The following APBA1 variants were observed in gnomAD, a reference collection of about 807,000 sequenced individuals.
APBA1 encodes amyloid beta precursor protein binding family A member 1, also known as amyloid-beta A4 precursor protein-binding family A member 1.
Under a neutral mutation model 86.6 loss-of-function variants are expected in APBA1, and 55 were observed. The ratio of observed to expected loss-of-function variants is 0.64; its 90% CI spans 0.51 to 0.80. APBA1 has a LOEUF of 0.80. APBA1 is among the 30% of genes least tolerant of loss of function. The probability of loss-of-function intolerance (pLI) is 0.00; values close to 1 mark genes in which losing one functional copy is unlikely to be tolerated. For missense variants in APBA1, 1,090 were observed against 1,183.0 expected, an observed-to-expected ratio of 0.92 and a Z score of 1.15; for synonymous variants, 511 against 493.9, an observed-to-expected ratio of 1.03 and a Z score of -0.46.
intron 2 of APBA1, among the ~76,000 whole-genome samples, chr9:69,506,109 A>G (rs766607410): frequency 1.3e-5 from 2 of 151,454 alleles, no homozygotes; most frequent in Admixed American, 1.3e-4. Flanking sequence ...TCCCAGCGAG[A>G]GCGACACAGA....
Position 69,441,208 on chromosome 9 carries a change from C to T in APBA1, c.2182-93G>A, listed in dbSNP as rs536492645. On this transcript the variant is annotated intron_variant, in intron 10 of 12. Transcript: ENST00000265381. The stretch of plus-strand genomic sequence containing the variant: ...AGCACCAAAGGCAAAAGAAGCTGCA[C>T]TGAGTCTTCCGAAGGACCCACTGCC... 6.0e-5 allele frequency: 87 copies of T among 1,460,054 alleles called. 1 individual carries two copies. The South Asian group carries it at 1.0e-3, about 17-fold the overall frequency. 90.4% of individuals were successfully genotyped at this position (1,460,054 alleles called of 1,614,324 possible). A position where few individuals can be genotyped will look rare whatever the true frequency, so the allele number is the denominator to read the frequency against.
chr9:69,448,861 G>A (rs1469737565), intron 10 of APBA1, among the ~76,000 whole-genome samples: 2 of 152,226 alleles, frequency 1.3e-5, no homozygotes, highest in African/African-American at 2.4e-5. Context: ...CACTGGCCAT[G>A]CATTCAGCAA....
At chr9:69,670,039 T>A (rs1175077792) in intron 1 of APBA1, among the ~76,000 whole-genome samples, 1 of 152,196 alleles carries the variant, frequency 6.6e-6, no homozygotes, top group Non-Finnish European at 1.5e-5. Context: ...ACATTTGGCA[T>A]AACAAATAAG....
chr9:69,622,994 T>C (rs934234444), intron 1 of APBA1, among the ~76,000 whole-genome samples: 1 of 152,142 alleles, frequency 6.6e-6, no homozygotes, highest in African/African-American at 2.4e-5. Context: ...AATTCAAGTG[T>C]CCACACTCTT....
Position 69,431,249 on chromosome 9 carries a change from TG to T in APBA1, c.*77del. The T allele has an allele frequency of 8.5e-7, 1 of 1,172,628 alleles. No homozygotes were observed. Among genetic ancestry groups the T allele is most frequent in the Non-Finnish European group, 1.2e-6 (1 of 843,688 alleles). The allele number at this position is 1,172,628 out of a possible 1,614,324, so 72.6% of individuals were successfully genotyped here. On this transcript the variant is annotated 3_prime_UTR_variant, in exon 13 of 13. Transcript: ENST00000265381. The stretch of plus-strand genomic sequence containing the variant: ...TGGGCGCGAGAGGGGAAAGTCTCAG[TG>T]GACACAGGGATGCAGCACGAGAAAC...
At chr9:69,602,878 T>C (rs1312567018) in intron 1 of APBA1, among the ~76,000 whole-genome samples, 1 of 152,188 alleles carries the variant, frequency 6.6e-6, no homozygotes, top group Non-Finnish European at 1.5e-5. Flanking sequence ...AAAAAGAATA[T>C]GCTTAATCTG....
chr9:69,501,136 T>C (rs1382505821), intron 2 of APBA1, among the ~76,000 whole-genome samples: 1 of 151,968 alleles, frequency 6.6e-6, no homozygotes, highest in Non-Finnish European at 1.5e-5. Context: ...TGTCTCAATA[T>C]GAGAAACAAC....
At chr9:69,578,022 G>T (rs930460383) in intron 1 of APBA1, among the ~76,000 whole-genome samples, 8 of 152,170 alleles carry the variant, frequency 5.3e-5, no homozygotes, top group Admixed American at 2.6e-4. Flanking sequence ...CTAAAATGAA[G>T]GACCCTAGAT....
chr9:69,633,730 T>G (rs1324472650), intron 1 of APBA1, among the ~76,000 whole-genome samples: 1 of 152,186 alleles, frequency 6.6e-6, no homozygotes, highest in African/African-American at 2.4e-5. Flanking sequence ...CTACTGCTCC[T>G]TTTCTAAGCT....
At chr9:69,435,298 G>A (rs1382658114) in intron 11 of APBA1, among the ~76,000 whole-genome samples, 1 of 152,128 alleles carries the variant, frequency 6.6e-6, no homozygotes, top group Non-Finnish European at 1.5e-5. Context: ...ATAGTCCTTT[G>A]GGTGTATACC....
intron 1 of APBA1, among the ~76,000 whole-genome samples, chr9:69,641,227 A>G (rs530449329): frequency 2.6e-5 from 4 of 152,332 alleles, no homozygotes; most frequent in African/African-American, 9.6e-5. Flanking sequence ...TACTTAGGAA[A>G]AAAAACATTG....
rs756383011 is a variant in APBA1, at chr9:69,516,145, C to T, written c.1066G>A (p.Ala356Thr). 3 of 1,613,254 alleles carry T rather than the reference C, an allele frequency of 1.9e-6. No homozygotes were observed. The highest frequency in any genetic ancestry group is 2.2e-5 in the South Asian group (2 of 91,052). The change falls in exon 2 of 13, where the codon GCC becomes ACC. Residue 356 changes from alanine (A) to threonine (T), a missense_variant. Around this residue, in one of 6 missense-constraint regions of APBA1, gnomAD observed 678 missense variants for 647.1 expected, o/e 1.05. Coordinates refer to ENST00000265381, the MANE Select transcript of APBA1 (RefSeq NM_001163.4). This position sits in a 1 kb window ranked among gnomAD's most constrained non-coding sequence, Gnocchi z 7.3. ...ISLAIKDIKE[A>T]IEEVKTRTIR... ...GTCCTGGTTTTCACCTCCTCGATGG[C>T]CTCCTTGATGTCCTTGATGGCCAGC...
chr9:69,664,025 T>C (rs1823801791), intron 1 of APBA1, among the ~76,000 whole-genome samples: 1 of 152,124 alleles, frequency 6.6e-6, no homozygotes. Context: ...GCAACTGATT[T>C]TAAAGAGAGA....
intron 1 of APBA1, among the ~76,000 whole-genome samples, chr9:69,556,459 C>G (rs1836861548): frequency 6.6e-6 from 1 of 152,140 alleles, no homozygotes; most frequent in Non-Finnish European, 1.5e-5. Context: ...CAACTGCAGC[C>G]AAAGACAACT....
intron 1 of APBA1, among the ~76,000 whole-genome samples, chr9:69,594,698 A>C (rs1319606407): frequency 3.9e-5 from 6 of 152,190 alleles, no homozygotes; most frequent in African/African-American, 1.4e-4. Flanking sequence ...CCCTAACAAA[A>C]AAGGCACACG....
At chr9:69,520,923 G>A (rs1386148035) in intron 1 of APBA1, among the ~76,000 whole-genome samples, 1 of 152,136 alleles carries the variant, frequency 6.6e-6, no homozygotes, top group Non-Finnish European at 1.5e-5. Flanking sequence ...CTGCCAGCCT[G>A]ATGATCTTTA....
chr9:69,472,428 C>T (rs935619101), intron 3 of APBA1: 9 of 152,222 alleles, frequency 5.9e-5, no homozygotes, highest in Non-Finnish European at 1.2e-4. Context: ...CTTTCAGAAG[C>T]AGATGTCCTA....
chr9:69,615,782 T>C (rs1822686986), intron 1 of APBA1, among the ~76,000 whole-genome samples: 1 of 152,200 alleles, frequency 6.6e-6, no homozygotes, highest in African/African-American at 2.4e-5. Flanking sequence ...TTCCATAGAA[T>C]TATTAAAAAC....
intron 1 of APBA1, among the ~76,000 whole-genome samples, chr9:69,544,681 T>C (rs1836668928): frequency 6.6e-6 from 1 of 152,210 alleles, no homozygotes. Context: ...GACTAAAACA[T>C]ATAACTAATT....
Sources: gnomAD v4.1 joint callset for allele counts (sites outside exome capture counted in the v4.1 genomes callset) on GRCh38, gnomAD v4.1.1 for gene constraint, gnomAD v4.1.1 regional missense constraint, Gnocchi (gnomAD v3.1) non-coding constraint, MANE v1.5 for transcripts, NCBI Gene and HGNC (gene_info 2026-07-23, HGNC 2026-07-21) for gene names.